The following NPAS3 variants were observed in gnomAD, a reference collection of about 807,000 sequenced individuals.
The protein encoded by NPAS3 is neuronal PAS domain-containing protein 3.
In NPAS3, 14 loss-of-function variants were observed where a neutral mutation model predicts 73.1. The observed-to-expected ratio is 0.19, with a 90% CI of 0.13 to 0.30. NPAS3 has a LOEUF of 0.30. Ranked by LOEUF, NPAS3 falls within the 10% of genes least tolerant of loss-of-function variation. The probability of loss-of-function intolerance (pLI) is 1.00; values close to 1 mark genes in which losing one functional copy is unlikely to be tolerated. For synonymous variants in NPAS3, 620 were observed against 541.5 expected, an observed-to-expected ratio of 1.14 and a Z score of -2.01; for missense variants, 1,096 against 1,250.0, an observed-to-expected ratio of 0.88 and a Z score of 1.86.
chr14:33,588,181 G>A (rs1294629488), intron 5 of NPAS3, among the ~76,000 whole-genome samples: 1 of 152,186 alleles, frequency 6.6e-6, no homozygotes, highest in African/African-American at 2.4e-5. Context: ...GATGCACTTT[G>A]CAAATTAGAA....
At chr14:33,778,894 C>A (rs1450492255) in intron 9 of NPAS3, among the ~76,000 whole-genome samples, 1 of 152,110 alleles carries the variant, frequency 6.6e-6, no homozygotes, top group Non-Finnish European at 1.5e-5. Context: ...TTCTGGAGAA[C>A]AACTTCCACT....
chr14:33,068,781 A>C (rs1199334243), intron 2 of NPAS3, among the ~76,000 whole-genome samples: 1 of 152,168 alleles, frequency 6.6e-6, no homozygotes, highest in Non-Finnish European at 1.5e-5. Context: ...GCATTCACAT[A>C]GCCAGGCGAA....
intron 1 of NPAS3, among the ~76,000 whole-genome samples, chr14:32,942,577 G>A (rs2036065206): frequency 6.6e-6 from 1 of 152,202 alleles, no homozygotes; most frequent in Non-Finnish European, 1.5e-5. Flanking sequence ...TTTCTACTAT[G>A]TGGATGTATA....
intron 4 of NPAS3, among the ~76,000 whole-genome samples, chr14:33,526,976 G>C (rs921869849): frequency 1.3e-5 from 2 of 152,116 alleles, no homozygotes; most frequent in Non-Finnish European, 2.9e-5. Flanking sequence ...ACTATGTAAA[G>C]ACTCTGTAAG....
chr14:33,350,745 G>A (rs148227204), intron 3 of NPAS3, among the ~76,000 whole-genome samples: 66 of 152,288 alleles, frequency 4.3e-4, no homozygotes, highest in African/African-American at 1.5e-3. Context: ...ATGCTTTGCG[G>A]CTAATAAAAT....
intron 4 of NPAS3, among the ~76,000 whole-genome samples, chr14:33,534,930 G>A (rs913611649): frequency 1.3e-5 from 2 of 152,136 alleles, no homozygotes; most frequent in Non-Finnish European, 2.9e-5. Flanking sequence ...GACGTGTGCT[G>A]TGTCTGCTTT....
chr14:33,138,231 T>A (rs779847637), intron 2 of NPAS3, among the ~76,000 whole-genome samples: 5 of 118,468 alleles, frequency 4.2e-5, no homozygotes, highest in Non-Finnish European at 8.3e-5. Context: ...CAGGCCCCGG[T>A]GTGTGATGTT....
chr14:33,258,234 T>G (rs184886267), intron 3 of NPAS3, among the ~76,000 whole-genome samples: 231 of 152,126 alleles, frequency 1.5e-3, no homozygotes, highest in African/African-American at 5.0e-3. Flanking sequence ...CCATATCTAC[T>G]AAAAATATGA....
chr14:33,081,505 G>A (rs1007648331), intron 2 of NPAS3, among the ~76,000 whole-genome samples: 1 of 152,174 alleles, frequency 6.6e-6, no homozygotes, highest in Non-Finnish European at 1.5e-5. Flanking sequence ...CCCACATGCT[G>A]CAAAGAGGTT....
intron 9 of NPAS3, among the ~76,000 whole-genome samples, chr14:33,781,906 G>T (rs1372877911): frequency 1.3e-5 from 2 of 152,164 alleles, no homozygotes; most frequent in Non-Finnish European, 2.9e-5. Flanking sequence ...GCTGTGCCAG[G>T]ATTACAACTC....
At chr14:33,284,750 A>ATATATC (rs1050267511) in intron 3 of NPAS3, among the ~76,000 whole-genome samples, 51 of 144,548 alleles carry the variant, frequency 3.5e-4, no homozygotes, top group African/African-American at 8.1e-4. Context: ...TTTCATATCT[A>ATATATC]TATATCTATA....
chr14:33,591,896 C>T (rs1013385061), intron 5 of NPAS3, among the ~76,000 whole-genome samples: 1 of 152,140 alleles, frequency 6.6e-6, no homozygotes, highest in Non-Finnish European at 1.5e-5. Flanking sequence ...AGTATATGTG[C>T]ACATTAAAAG....
chr14:33,738,289 C>G (rs906756269), intron 7 of NPAS3, among the ~76,000 whole-genome samples: 2 of 152,314 alleles, frequency 1.3e-5, no homozygotes, highest in Admixed American at 6.5e-5. Flanking sequence ...TCCTCCAAGG[C>G]TGTCCGCTTG....
At chr14:33,329,360 G>A (rs991589423) in intron 3 of NPAS3, among the ~76,000 whole-genome samples, 1 of 152,274 alleles carries the variant, frequency 6.6e-6, no homozygotes, top group East Asian at 1.9e-4. Flanking sequence ...AAGAAATGAA[G>A]CCTGTGCTGT....
At chr14:33,532,269 A>C (rs1406946023) in intron 4 of NPAS3, among the ~76,000 whole-genome samples, 1 of 152,152 alleles carries the variant, frequency 6.6e-6, no homozygotes, top group Non-Finnish European at 1.5e-5. Flanking sequence ...ATTCTTTTTT[A>C]AATAAAATTC....
intron 2 of NPAS3, among the ~76,000 whole-genome samples, chr14:33,195,985 A>G (rs1388597339): frequency 6.6e-6 from 1 of 152,224 alleles, no homozygotes; most frequent in Non-Finnish European, 1.5e-5. Context: ...TGAAAATAGG[A>G]TCTTCAAATG....
chr14:33,505,893 A>C (rs2052736222), intron 4 of NPAS3, among the ~76,000 whole-genome samples: 1 of 151,840 alleles, frequency 6.6e-6, no homozygotes, highest in African/African-American at 2.4e-5. Flanking sequence ...CCTCTGGCTC[A>C]CTGACCTTGT....
intron 3 of NPAS3, among the ~76,000 whole-genome samples, chr14:33,314,049 T>G (rs1288287471): frequency 6.6e-6 from 1 of 152,102 alleles, no homozygotes; most frequent in Non-Finnish European, 1.5e-5. Flanking sequence ...AAATTTTCTT[T>G]GGGTTTCAAG....
At chr14:33,468,767 G>A (rs775123310) in intron 4 of NPAS3, among the ~76,000 whole-genome samples, 16 of 152,064 alleles carry the variant, frequency 1.1e-4, no homozygotes, top group Non-Finnish European at 2.1e-4. Flanking sequence ...AACATTATCA[G>A]CCTCATCAAG....
Sources: allele counts gnomAD v4.1 joint callset (sites outside exome capture counted in the v4.1 genomes callset), GRCh38; gene constraint gnomAD v4.1.1; transcripts MANE v1.5; gene names NCBI Gene and HGNC (gene_info 2026-07-23, HGNC 2026-07-21).